Variants in XRCC4 observed in about 807,000 individuals in gnomAD.
XRCC4 encodes DNA repair protein XRCC4.
Under a neutral mutation model 39.1 loss-of-function variants are expected in XRCC4, and 28 were observed. The ratio of observed to expected loss-of-function variants is 0.72; its 90% CI spans 0.53 to 0.98. The LOEUF (loss-of-function observed/expected upper bound fraction) is 0.98, where lower values mean the gene tolerates loss of function less well. Ranked by LOEUF, XRCC4 falls within the 50% of genes least tolerant of loss-of-function variation. XRCC4 has a pLI of 0.00. For synonymous variants in XRCC4, 123 were observed against 126.4 expected, an observed-to-expected ratio of 0.97 and a Z score of 0.18; for missense variants, 350 against 376.4, an observed-to-expected ratio of 0.93 and a Z score of 0.58.
chr5:83,333,866 T>A (rs1487843986), intron 7 of XRCC4, among the ~76,000 whole-genome samples: 1 of 151,422 alleles, frequency 6.6e-6, no homozygotes. Context: ...ACCTCCCAGG[T>A]TCAAGCGATT....
At chr5:83,302,454 G>A (rs908181782) in intron 7 of XRCC4, among the ~76,000 whole-genome samples, 1 of 152,128 alleles carries the variant, frequency 6.6e-6, no homozygotes, top group Non-Finnish European at 1.5e-5. Flanking sequence ...GGAGTTCCCC[G>A]ATCCCTTGCG....
At chr5:83,315,846 T>A (rs879560433) in intron 7 of XRCC4, among the ~76,000 whole-genome samples, 1 of 152,176 alleles carries the variant, frequency 6.6e-6, no homozygotes, top group African/African-American at 2.4e-5. Flanking sequence ...TCATGCCTGC[T>A]AACACAACAT....
chr5:83,358,129 A>G (rs1298860205), downstream of XRCC4, among the ~76,000 whole-genome samples: 1 of 152,194 alleles, frequency 6.6e-6, no homozygotes, highest in Non-Finnish European at 1.5e-5. Context: ...TCGGGAAGGT[A>G]GACTTCATTT....
intron 7 of XRCC4, among the ~76,000 whole-genome samples, chr5:83,273,663 T>A (rs942053432): frequency 1.3e-5 from 2 of 152,324 alleles, no homozygotes; most frequent in South Asian, 2.1e-4. Context: ...GCACCATTTA[T>A]TAAATAGGGA....
intron 3 of XRCC4, among the ~76,000 whole-genome samples, chr5:83,130,889 T>C (rs1343904515): frequency 6.6e-6 from 1 of 152,174 alleles, no homozygotes; most frequent in East Asian, 1.9e-4. Flanking sequence ...GCTAGTGGTC[T>C]ATCAGTTTAG....
At chr5:83,348,543 A>G (rs911286337) in intron 7 of XRCC4, among the ~76,000 whole-genome samples, 4 of 152,200 alleles carry the variant, frequency 2.6e-5, no homozygotes, top group Non-Finnish European at 5.9e-5. Flanking sequence ...GCCATGTCCC[A>G]AGACTGCACA....
chr5:83,080,089 A>G (rs926413384), intron 1 of XRCC4, among the ~76,000 whole-genome samples: 7 of 152,166 alleles, frequency 4.6e-5, no homozygotes, highest in Admixed American at 2.0e-4. Flanking sequence ...TGCTAAATTA[A>G]AAGTCCCTGG....
downstream of XRCC4, among the ~76,000 whole-genome samples, chr5:83,354,879 G>C (rs911222777): frequency 2.0e-5 from 3 of 151,946 alleles, no homozygotes; most frequent in African/African-American, 4.8e-5. Context: ...CTTCCTCACT[G>C]GTCTCCCTGC....
At chr5:83,373,262 C>T in the XRCC4 span, among the ~76,000 whole-genome samples, 1 of 152,058 alleles carries the variant, frequency 6.6e-6, no homozygotes, top group Admixed American at 6.6e-5. Flanking sequence ...CCTCATTTGT[C>T]GAGGTCCTTA....
intron 1 of XRCC4, among the ~76,000 whole-genome samples, chr5:83,087,574 A>C (rs1745239480): frequency 6.6e-6 from 1 of 151,980 alleles, no homozygotes. Flanking sequence ...GAGGCAGGGG[A>C]ATCACTTGAG....
chr5:83,234,373 T>A (rs11956681), intron 6 of XRCC4, among the ~76,000 whole-genome samples: 2,421 of 152,314 alleles, frequency 0.016, 58 homozygotes, highest in African/African-American at 0.054. Flanking sequence ...TATTTACTTA[T>A]TTATTCATTC....
chr5:83,271,856 C>T (rs1024403922), intron 7 of XRCC4, among the ~76,000 whole-genome samples: 51 of 152,062 alleles, frequency 3.4e-4, no homozygotes, highest in Non-Finnish European at 6.5e-4. Context: ...TTTGAGTTCC[C>T]GCTATCTTTC....
chr5:83,099,939 C>T (rs1419132268), intron 1 of XRCC4, among the ~76,000 whole-genome samples: 1 of 152,086 alleles, frequency 6.6e-6, no homozygotes, highest in African/African-American at 2.4e-5. Flanking sequence ...TCTTAAAAGA[C>T]ATTCCAAGTC....
At chr5:83,092,117 A>G (rs1387201214) in intron 1 of XRCC4, among the ~76,000 whole-genome samples, 2 of 152,114 alleles carry the variant, frequency 1.3e-5, no homozygotes, top group Non-Finnish European at 2.9e-5. Context: ...AGTGATGGTG[A>G]GCGTTTTTTC....
intron 7 of XRCC4, among the ~76,000 whole-genome samples, chr5:83,285,538 T>C (rs77666707): frequency 6.6e-6 from 1 of 152,246 alleles, no homozygotes; most frequent in East Asian, 1.9e-4. Flanking sequence ...GGAATCCCTA[T>C]GTAATTATTT....
At chr5:83,264,839 C>T (rs1753898687) in intron 7 of XRCC4, among the ~76,000 whole-genome samples, 1 of 152,008 alleles carries the variant, frequency 6.6e-6, no homozygotes, top group African/African-American at 2.4e-5. Flanking sequence ...ATATGTAATA[C>T]TTTATATATA....
At chr5:83,249,524 G>C (rs767903308) in intron 6 of XRCC4, among the ~76,000 whole-genome samples, 1 of 152,156 alleles carries the variant, frequency 6.6e-6, no homozygotes, top group East Asian at 1.9e-4. Flanking sequence ...GTTTAAAGAA[G>C]TGCAAATAGA....
chr5:83,137,533 G>A (rs1205017856), intron 3 of XRCC4, among the ~76,000 whole-genome samples: 2 of 152,084 alleles, frequency 1.3e-5, no homozygotes, highest in African/African-American at 2.4e-5. Flanking sequence ...ATCATATTGT[G>A]CATCTGTAAC....
At chr5:83,148,051 G>A (rs1052753350) in intron 3 of XRCC4, among the ~76,000 whole-genome samples, 2 of 152,034 alleles carry the variant, frequency 1.3e-5, no homozygotes, top group African/African-American at 4.8e-5. Flanking sequence ...GCCTCCCAAA[G>A]TGCTGGACGT....
Sources: allele counts gnomAD v4.1 joint callset (sites outside exome capture counted in the v4.1 genomes callset), GRCh38; gene constraint gnomAD v4.1.1; transcripts MANE v1.5; gene names NCBI Gene and HGNC (gene_info 2026-07-23, HGNC 2026-07-21).